The following FKBP5 variants were observed in gnomAD, a reference collection of about 807,000 sequenced individuals.
FKBP5 encodes the protein peptidyl-prolyl cis-trans isomerase FKBP5.
FKBP5 carries 23 observed loss-of-function variants against 50.5 expected under a neutral mutation model. The ratio of observed to expected loss-of-function variants is 0.46; its 90% confidence interval spans 0.33 to 0.65. FKBP5 has a LOEUF of 0.65. Ranked by LOEUF, FKBP5 falls within the 30% of genes least tolerant of loss-of-function variation. The probability of loss-of-function intolerance (pLI) is 0.02; values close to 1 mark genes in which losing one functional copy is unlikely to be tolerated. For synonymous variants in FKBP5, 176 were observed against 190.6 expected (o/e 0.92, Z 0.63); for missense variants, 411 against 553.1 (o/e 0.74, Z 2.58).
chr6:35,667,959 T>C (rs1765276519), intron 1 of FKBP5, among the ~76,000 whole-genome samples: 1 of 152,100 alleles, frequency 6.6e-6, no homozygotes, highest in African/African-American at 2.4e-5. Flanking sequence ...AGTGAGACTC[T>C]TTCGAAAAGA....
At chr6:35,584,404 A>C in intron 8 of FKBP5, 1 of 985,488 alleles carries the variant, frequency 1.0e-6, no homozygotes, top group Non-Finnish European at 1.2e-6. Flanking sequence ...TCCAATATGC[A>C]GATGGCATGA....
At chr6:35,641,816 C>T (rs1764499327) in intron 2 of FKBP5, among the ~76,000 whole-genome samples, 1 of 151,716 alleles carries the variant, frequency 6.6e-6, no homozygotes, top group Non-Finnish European at 1.5e-5. Context: ...ACCAGCCTGG[C>T]CAACATGGTG....
intron 7 of FKBP5, among the ~76,000 whole-genome samples, chr6:35,589,128 A>ATATTTTT (rs1427010607): frequency 8.2e-6 from 1 of 121,562 alleles, no homozygotes; most frequent in Non-Finnish European, 1.7e-5. Flanking sequence ...ATATATATAT[A>ATATTTTT]TTTTTTTTTT....
At chr6:35,720,570 T>G (rs141688036) in intron 1 of FKBP5, 1 of 152,314 alleles carries the variant, frequency 6.6e-6, no homozygotes, top group African/African-American at 2.4e-5. Context: ...AAGTACAAGA[T>G]GTGTCAATGC....
intron 3 of FKBP5, among the ~76,000 whole-genome samples, chr6:35,628,426 T>C (rs1377986938): frequency 6.6e-6 from 1 of 152,198 alleles, no homozygotes; most frequent in Non-Finnish European, 1.5e-5. Flanking sequence ...ATATTTTAAC[T>C]GTAAAAGATT....
At chr6:35,631,667 A>T (rs1764158142) in intron 3 of FKBP5, among the ~76,000 whole-genome samples, 1 of 152,150 alleles carries the variant, frequency 6.6e-6, no homozygotes, top group South Asian at 2.1e-4. Context: ...AAAAAATAGT[A>T]AGATTGAGGC....
At chr6:35,605,383 C>A (rs377681883) in intron 5 of FKBP5, among the ~76,000 whole-genome samples, 1 of 52,310 alleles carries the variant, frequency 1.9e-5, no homozygotes, top group African/African-American at 7.0e-5. Context: ...ATGACAATAT[C>A]TTTTTTTTTT....
rs1321493600 is a variant in FKBP5, at chr6:35,591,204, C to A, written c.682G>T (p.Ala228Ser). ...TCAATGCCAAATTTAGGCTTCCCTG[C>A]CTCTCCAAAACCATATCTGAAATGG... ...YLGPRYGFGE[A>S]GKPKFGIEPN... Residue 228 changes from alanine (A) to serine (S), a missense_variant, in exon 7 of 11, where the codon GCA becomes TCA. Transcript: ENST00000357266. 1.9e-6 allele frequency: 3 copies of A among 1,611,506 alleles called. No homozygotes were observed. Among genetic ancestry groups the A allele is most frequent in the East Asian group, 4.5e-5 (2 of 44,788 alleles).
At chr6:35,583,648 G>A (rs1397872908) in intron 8 of FKBP5, 1 of 894,252 alleles carries the variant, frequency 1.1e-6, no homozygotes, top group Non-Finnish European at 1.3e-6. Flanking sequence ...GGATGCTACT[G>A]GCATCTAATG....
At chr6:35,687,865 G>C (rs573483602) in intron 1 of FKBP5, among the ~76,000 whole-genome samples, 2 of 152,298 alleles carry the variant, frequency 1.3e-5, no homozygotes, top group African/African-American at 4.8e-5. Flanking sequence ...CGATTTTAGA[G>C]ACTACGATGG....
At chr6:35,683,341 G>A (rs1765734119) in intron 1 of FKBP5, among the ~76,000 whole-genome samples, 2 of 151,850 alleles carry the variant, frequency 1.3e-5, no homozygotes, top group Admixed American at 6.6e-5. Flanking sequence ...TTGTAGAAAT[G>A]GGGTCTTACT....
chr6:35,622,328 T>C lies in FKBP5; in HGVS notation c.251-2054A>G, dbSNP rs148754368. ...AGTTTTAAGACCGGCCAGGGCAACATAGTGAAACTCCATCTCTACAAAAAT... is the reference window on the plus strand; with the variant it reads ...AGTTTTAAGACCGGCCAGGGCAACACAGTGAAACTCCATCTCTACAAAAAT... On this transcript the variant is annotated intron_variant, in intron 3 of 10. Coordinates refer to ENST00000357266, the MANE Select transcript of FKBP5 (RefSeq NM_004117.4). Among the ~76,000 whole-genome samples the C allele has an allele frequency of 4.0e-3, 601 of 152,062 alleles. 5 individuals carry two copies. The highest frequency in any genetic ancestry group is 0.011 in the African/African-American group (473 of 41,468).
intron 3 of FKBP5, among the ~76,000 whole-genome samples, chr6:35,635,158 A>T (rs1764273750): frequency 6.6e-6 from 1 of 152,100 alleles, no homozygotes. Flanking sequence ...AACATGGCAA[A>T]GCCCCATCTC....
intron 1 of FKBP5, among the ~76,000 whole-genome samples, chr6:35,723,945 T>G (rs979923936): frequency 4.6e-5 from 7 of 152,256 alleles, no homozygotes; most frequent in Non-Finnish European, 1.0e-4. Flanking sequence ...CAAACCTAGT[T>G]TCTTGCCCTT....
chr6:35,628,951 A>G (rs917981721), intron 3 of FKBP5, among the ~76,000 whole-genome samples: 2 of 152,182 alleles, frequency 1.3e-5, no homozygotes, highest in Non-Finnish European at 2.9e-5. Context: ...TTCTAAACTC[A>G]GGTGATCTGC....
chr6:35,592,566 A>T (rs1010470162), intron 6 of FKBP5, among the ~76,000 whole-genome samples: 1 of 152,214 alleles, frequency 6.6e-6, no homozygotes, highest in Non-Finnish European at 1.5e-5. Flanking sequence ...CATCTAATAA[A>T]TTTTAAAAAA....
intron 5 of FKBP5, among the ~76,000 whole-genome samples, chr6:35,616,314 C>CAAAAAAAAA (rs34779549): frequency 7.0e-5 from 4 of 57,468 alleles, no homozygotes; most frequent in Non-Finnish European, 5.9e-5. Context: ...GACTCCATCT[C>CAAAAAAAAA]AAAAAAAAAA....
chr6:35,597,516 A>G (rs1763013466), intron 5 of FKBP5, 112 bp from the exon 6 acceptor site: 1 of 1,261,360 alleles, frequency 7.9e-7, no homozygotes. Flanking sequence ...CCCCTTTCTC[A>G]TTTCATCAAG....
chr6:35,653,910 G>A (rs950329515), intron 1 of FKBP5, among the ~76,000 whole-genome samples: 1 of 151,706 alleles, frequency 6.6e-6, no homozygotes, highest in South Asian at 2.1e-4. Context: ...TCACAACATG[G>A]AATTCCATGA....
Sources: allele counts gnomAD v4.1 joint callset (sites outside exome capture counted in the v4.1 genomes callset), GRCh38; gene constraint gnomAD v4.1.1; transcripts MANE v1.5; gene names NCBI Gene and HGNC (gene_info 2026-07-23, HGNC 2026-07-21).